ADARB2: variants seen among roughly 807,000 people sequenced by gnomAD.
ADARB2 encodes adenosine deaminase RNA specific B2 (inactive), also known as inactive double-stranded RNA-specific editase B2.
ADARB2 carries 25 observed loss-of-function variants against 62.2 expected under a neutral mutation model. The ratio of observed to expected loss-of-function variants is 0.40; its 90% CI spans 0.29 to 0.56. The LOEUF is 0.56. Ranked by LOEUF, ADARB2 falls within the 20% of genes least tolerant of loss-of-function variation. The pLI, the probability that ADARB2 is intolerant of heterozygous loss-of-function variation, is 0.43. For missense variants in ADARB2, 1,071 were observed against 1,077.4 expected (o/e 0.99, Z 0.08); for synonymous variants, 572 against 500.8 (o/e 1.14, Z -1.90).
intron 1 of ADARB2, among the ~76,000 whole-genome samples, chr10:1,474,013 T>C (rs78635562): frequency 0.016 from 93 of 5,876 alleles, no homozygotes; most frequent in South Asian, 0.051. Context: ...GGGGAGCCCT[T>C]GACAGGGGGC....
chr10:1,670,153 T>C (rs1834365960), intron 1 of ADARB2, among the ~76,000 whole-genome samples: 1 of 152,230 alleles, frequency 6.6e-6, no homozygotes, highest in Admixed American at 6.5e-5. Context: ...AAGATATCTT[T>C]ATAATCCAGC....
chr10:1,592,153 G>C (rs1031535838), intron 1 of ADARB2, among the ~76,000 whole-genome samples: 4 of 152,206 alleles, frequency 2.6e-5, no homozygotes, highest in African/African-American at 9.6e-5. Flanking sequence ...CCCAGGATGG[G>C]ATAAAATGCT....
intron 1 of ADARB2, among the ~76,000 whole-genome samples, chr10:1,695,106 C>T (rs985735442): frequency 2.6e-5 from 4 of 152,152 alleles, no homozygotes; most frequent in African/African-American, 4.8e-5. Context: ...CTGAAAACAG[C>T]GCATCTGTTC....
At chr10:1,335,892 G>A (rs1043617217) in intron 3 of ADARB2, among the ~76,000 whole-genome samples, 1 of 152,178 alleles carries the variant, frequency 6.6e-6, no homozygotes, top group Non-Finnish European at 1.5e-5. Flanking sequence ...CAATCCCCGT[G>A]TCTTCACACT....
At chr10:1,192,242 C>T (rs1047929653) in intron 8 of ADARB2, among the ~76,000 whole-genome samples, 6 of 152,194 alleles carry the variant, frequency 3.9e-5, no homozygotes, top group African/African-American at 1.2e-4. Flanking sequence ...GTCTGTGTCA[C>T]TGGGTAGCAC....
At chr10:1,625,214 A>G (rs1833751860) in intron 1 of ADARB2, among the ~76,000 whole-genome samples, 1 of 152,238 alleles carries the variant, frequency 6.6e-6, no homozygotes, top group Non-Finnish European at 1.5e-5. Flanking sequence ...GTGCGGGAGC[A>G]GAGGCTGCTC....
intron 3 of ADARB2, among the ~76,000 whole-genome samples, chr10:1,360,456 A>G (rs1402314672): frequency 2.0e-5 from 3 of 152,082 alleles, no homozygotes; most frequent in Non-Finnish European, 4.4e-5. Context: ...ACGGGGGTCC[A>G]TGAAGTAGAG....
chr10:1,530,881 CCAGCACTCAGGTCTCAGCACT>C lies in ADARB2; in HGVS notation c.101-151742_101-151722del, dbSNP rs1219870767. Among the ~76,000 whole-genome samples, 232 of 149,756 alleles carry C rather than the reference CCAGCACTCAGGTCTCAGCACT, an allele frequency of 1.5e-3. 1 individual carries two copies. The highest frequency in any genetic ancestry group is 2.1e-3 in the Non-Finnish European group (144 of 67,168). On this transcript the variant is annotated intron_variant, in intron 1 of 9. Coordinates refer to ENST00000381312, the MANE Select transcript of ADARB2 (RefSeq NM_018702.4). ...GCACTCAGGTCTCAGCACTCAGCAC[CCAGCACTCAGGTCTCAGCACT>C]CAGCACTCAGGTCTCAGCACTCAGC...
intron 1 of ADARB2, among the ~76,000 whole-genome samples, chr10:1,505,841 C>T (rs1414446243): frequency 6.6e-6 from 1 of 152,246 alleles, no homozygotes; most frequent in Non-Finnish European, 1.5e-5. Context: ...GACTCCAAGC[C>T]AGAAGCTCCA....
At chr10:1,404,456 C>T (rs1429903097) in intron 1 of ADARB2, among the ~76,000 whole-genome samples, 2 of 152,218 alleles carry the variant, frequency 1.3e-5, no homozygotes, top group African/African-American at 2.4e-5. Flanking sequence ...GCCAGGGAGA[C>T]GCTGCGTGGT....
intron 3 of ADARB2, among the ~76,000 whole-genome samples, chr10:1,330,396 A>G (rs1330601623): frequency 1.3e-5 from 2 of 152,216 alleles, no homozygotes; most frequent in Non-Finnish European, 2.9e-5. Context: ...AAATCACTCT[A>G]TTAATTTGTA....
At chr10:1,365,595 T>G (rs1302441034) in intron 2 of ADARB2, among the ~76,000 whole-genome samples, 1 of 152,156 alleles carries the variant, frequency 6.6e-6, no homozygotes, top group Admixed American at 6.5e-5. Context: ...ACCACCTTCA[T>G]CAGACTGGCA....
intron 1 of ADARB2, 82 bp from the exon 2 acceptor site, chr10:1,379,242 A>T (rs1832460853): frequency 8.4e-7 from 1 of 1,189,074 alleles, no homozygotes. Context: ...TTATTACTGA[A>T]TGTTGGACAA....
chr10:1,465,932 G>A (rs1831250174), intron 1 of ADARB2, among the ~76,000 whole-genome samples: 1 of 152,224 alleles, frequency 6.6e-6, no homozygotes, highest in Non-Finnish European at 1.5e-5. Context: ...TTCTTTCTCT[G>A]TTGCAATAAA....
At chr10:1,512,469 G>A (rs1831948824) in intron 1 of ADARB2, among the ~76,000 whole-genome samples, 1 of 152,220 alleles carries the variant, frequency 6.6e-6, no homozygotes, top group African/African-American at 2.4e-5. Flanking sequence ...ACCAAGATGG[G>A]TGTTTCACGT....
At chr10:1,215,079 G>A (rs956522716) in intron 7 of ADARB2, among the ~76,000 whole-genome samples, 4 of 152,158 alleles carry the variant, frequency 2.6e-5, no homozygotes, top group Non-Finnish European at 4.4e-5. Flanking sequence ...GGGCAGGTGC[G>A]GCGGGGGTCT....
chr10:1,411,922 G>A (rs1369184032), intron 1 of ADARB2, among the ~76,000 whole-genome samples: 1 of 152,168 alleles, frequency 6.6e-6, no homozygotes, highest in African/African-American at 2.4e-5. Flanking sequence ...TATACATAAA[G>A]ACCTGAAAAC....
intron 7 of ADARB2, among the ~76,000 whole-genome samples, chr10:1,202,174 C>T (rs1836995291): frequency 6.6e-6 from 1 of 151,774 alleles, no homozygotes; most frequent in South Asian, 2.1e-4. Flanking sequence ...AACTCCTGGG[C>T]TCAAGCGATC....
At chr10:1,417,859 C>T (rs140878957) in intron 1 of ADARB2, among the ~76,000 whole-genome samples, 316 of 152,340 alleles carry the variant, frequency 2.1e-3, no homozygotes, top group Non-Finnish European at 3.4e-3. Flanking sequence ...TGAGGCCACG[C>T]GCTGTGGGCC....
Sources: gnomAD v4.1 joint callset for allele counts (sites outside exome capture counted in the v4.1 genomes callset) on GRCh38, gnomAD v4.1.1 for gene constraint, MANE v1.5 for transcripts, NCBI Gene and HGNC (gene_info 2026-07-23, HGNC 2026-07-21) for gene names.